Variants in PCDH9 observed in about 807,000 individuals in gnomAD.
The protein encoded by PCDH9 is protocadherin-9.
A neutral mutation model predicts 70.6 loss-of-function variants in PCDH9; 24 were observed. The ratio of observed to expected loss-of-function variants is 0.34; its 90% CI spans 0.25 to 0.48. PCDH9 has a LOEUF of 0.48. Among genes scored for constraint, PCDH9 ranks in the 20% least tolerant of loss-of-function variants. The pLI is 0.99. For synonymous variants in PCDH9, 562 were observed against 558.5 expected (o/e 1.01, Z -0.09); for missense variants, 1,281 against 1,503.6 (o/e 0.85, Z 2.45).
rs929925054 is a variant in PCDH9, at chr13:66,679,983, C to A, written c.3139-48572G>T. On this transcript the variant is annotated intron_variant, in intron 3 of 4. Transcript: ENST00000377865. The stretch of plus-strand genomic sequence containing the variant: ...TAATACTACTAAAAAATTCTGATAA[C>A]CTCACTATGGTTTTCATAAATGTTT... 5.9e-5 allele frequency among the ~76,000 whole-genome samples: 9 copies of A among 151,998 alleles called. No homozygotes were observed. In the East Asian group the frequency reaches 1.7e-3, roughly 29 times the overall value.
chr13:66,561,766 T>A (rs1472022351), intron 4 of PCDH9, among the ~76,000 whole-genome samples: 1 of 152,082 alleles, frequency 6.6e-6, no homozygotes, highest in Non-Finnish European at 1.5e-5. Context: ...ATCAGCGCCC[T>A]GTCAAAACAG....
intron 2 of PCDH9, among the ~76,000 whole-genome samples, chr13:67,195,269 C>T (rs955643927): frequency 3.9e-5 from 6 of 151,980 alleles, no homozygotes; most frequent in East Asian, 1.9e-4. Context: ...CCTCAGCCTC[C>T]GAGCAGCTGG....
chr13:66,754,427 A>T lies in PCDH9; in HGVS notation c.3139-123016T>A, dbSNP rs952055546. ...AAACAAAATAAAACCTTATTTTTTA[A>T]AAAAAGGAAAAAAAAAGAGGGAGGT... On this transcript the variant is annotated intron_variant, in intron 3 of 4. Coordinates refer to ENST00000377865, the MANE Select transcript of PCDH9 (RefSeq NM_203487.3). Among the ~76,000 whole-genome samples the T allele has an allele frequency of 1.5e-4, 22 of 151,696 alleles. 2 individuals carry two copies. Among genetic ancestry groups the T allele is most frequent in the Admixed American group, 1.2e-3 (19 of 15,226 alleles).
intron 3 of PCDH9, among the ~76,000 whole-genome samples, chr13:66,828,329 T>A (rs1231933430): frequency 6.6e-6 from 1 of 152,172 alleles, no homozygotes; most frequent in African/African-American, 2.4e-5. Flanking sequence ...GATGTAACCA[T>A]TGCAGAAGAG....
At chr13:66,460,644 T>C (rs920153297) in intron 4 of PCDH9, among the ~76,000 whole-genome samples, 1 of 151,938 alleles carries the variant, frequency 6.6e-6, no homozygotes, top group Non-Finnish European at 1.5e-5. Context: ...CGTCTTCCTG[T>C]TTTAAAGATA....
intron 4 of PCDH9, among the ~76,000 whole-genome samples, chr13:66,501,608 A>G (rs887006618): frequency 1.3e-5 from 2 of 152,094 alleles, no homozygotes; most frequent in African/African-American, 4.8e-5. Context: ...TTTACCTAGT[A>G]TGAAAAAGTC....
intron 2 of PCDH9, among the ~76,000 whole-genome samples, chr13:66,924,985 T>A (rs1261660569): frequency 1.3e-5 from 2 of 151,456 alleles, no homozygotes; most frequent in South Asian, 2.1e-4. Context: ...ATAAACATGA[T>A]TTTTTTTATA....
chr13:67,094,125 C>G (rs1385889686), intron 2 of PCDH9, among the ~76,000 whole-genome samples: 2 of 152,080 alleles, frequency 1.3e-5, no homozygotes, highest in African/African-American at 4.8e-5. Flanking sequence ...TACCCCCAAA[C>G]AAGGAGTCAG....
At chr13:66,738,040 G>A (rs1367242224) in intron 3 of PCDH9, among the ~76,000 whole-genome samples, 2 of 152,298 alleles carry the variant, frequency 1.3e-5, no homozygotes, top group Middle Eastern at 3.4e-3. Context: ...ACCTCTGGGG[G>A]CAGGGCACAG....
intron 2 of PCDH9, among the ~76,000 whole-genome samples, chr13:67,117,401 G>A (rs1222007356): frequency 6.6e-6 from 1 of 152,060 alleles, no homozygotes; most frequent in Non-Finnish European, 1.5e-5. Flanking sequence ...AAGTCAAACT[G>A]CATATCCAAG....
intron 4 of PCDH9, among the ~76,000 whole-genome samples, chr13:66,333,391 A>G (rs1203043226): frequency 1.3e-5 from 2 of 152,172 alleles, no homozygotes; most frequent in Non-Finnish European, 2.9e-5. Context: ...TATGAAGGCT[A>G]GACCAGCAGG....
intron 4 of PCDH9, among the ~76,000 whole-genome samples, chr13:66,367,509 A>G (rs1035386364): frequency 6.6e-6 from 1 of 152,194 alleles, no homozygotes; most frequent in Non-Finnish European, 1.5e-5. Flanking sequence ...CCAGGGAAGC[A>G]TTTTTAACTA....
intron 2 of PCDH9, among the ~76,000 whole-genome samples, chr13:67,098,881 T>A (rs1413258172): frequency 6.6e-6 from 1 of 152,126 alleles, no homozygotes; most frequent in Non-Finnish European, 1.5e-5. Flanking sequence ...AAATAATTGA[T>A]TCCTGATTAA....
At chr13:66,738,676 C>G (rs1205588954) in intron 3 of PCDH9, among the ~76,000 whole-genome samples, 1 of 147,594 alleles carries the variant, frequency 6.8e-6, no homozygotes, top group Non-Finnish European at 1.5e-5. Context: ...AACCAAGGCT[C>G]GAGAACTACG....
chr13:67,222,092 G>A (rs1241489070), intron 2 of PCDH9: 2 of 152,080 alleles, frequency 1.3e-5, no homozygotes, highest in East Asian at 3.9e-4. Context: ...TCCACAGGGA[G>A]AATCAGTATC....
intron 4 of PCDH9, among the ~76,000 whole-genome samples, chr13:66,498,827 TTG>T: frequency 6.6e-6 from 1 of 152,158 alleles, no homozygotes; most frequent in East Asian, 1.9e-4. Context: ...GTTGTTACAG[TTG>T]TGTCTTCAGT....
rs1408839343 is a variant in PCDH9, at chr13:66,778,499, G to T, written c.3138+125005C>A. On this transcript the variant is annotated intron_variant, in intron 3 of 4. Transcript: ENST00000377865. ...AGGAGTGATGGCTTTTCCAACATTTGTACTTACCATGTGGCCTGTCACAGT... is the reference window on the plus strand; with the variant it reads ...AGGAGTGATGGCTTTTCCAACATTTTTACTTACCATGTGGCCTGTCACAGT... 2.6e-5 allele frequency among the ~76,000 whole-genome samples: 4 copies of T among 152,178 alleles called. No homozygotes were observed. In the South Asian group the frequency reaches 8.3e-4, roughly 32 times the overall value.
intron 3 of PCDH9, among the ~76,000 whole-genome samples, chr13:66,780,262 T>C (rs2079976978): frequency 6.6e-6 from 1 of 152,190 alleles, no homozygotes. Flanking sequence ...GAAAGTTTGT[T>C]GATGGAAGCA....
intron 4 of PCDH9, among the ~76,000 whole-genome samples, chr13:66,316,910 A>T (rs1955663252): frequency 6.6e-6 from 1 of 152,002 alleles, no homozygotes; most frequent in South Asian, 2.1e-4. Flanking sequence ...TTTAGTAGAG[A>T]TGGGGTTTCG....
Sources: allele counts gnomAD v4.1 joint callset (sites outside exome capture counted in the v4.1 genomes callset), GRCh38; gene constraint gnomAD v4.1.1; transcripts MANE v1.5; gene names NCBI Gene and HGNC (gene_info 2026-07-23, HGNC 2026-07-21).